Variants in NCR1 observed in about 807,000 individuals in gnomAD.
NCR1 encodes the protein natural cytotoxicity triggering receptor 1, also known as NK cell-activating receptor.
A neutral mutation model predicts 32.5 loss-of-function variants in NCR1; 30 were observed. The observed-to-expected ratio is 0.92, with a 90% CI of 0.69 to 1.25. The LOEUF (loss-of-function observed/expected upper bound fraction) is 1.25. Among genes scored for constraint, NCR1 ranks in the 50% most tolerant of loss-of-function variants. The probability of loss-of-function intolerance (pLI) is 0.00; values close to 1 mark genes in which losing one functional copy is unlikely to be tolerated. For missense variants in NCR1, 369 were observed against 380.7 expected, an observed-to-expected ratio of 0.97 and a Z score of 0.26; for synonymous variants, 169 against 143.4, an observed-to-expected ratio of 1.18 and a Z score of -1.28.
At chr19:54,929,720 C>G in the NCR1 span, among the ~76,000 whole-genome samples, 1 of 152,136 alleles carries the variant, frequency 6.6e-6, no homozygotes, top group East Asian at 1.9e-4. Flanking sequence ...CTTCTCCAGG[C>G]CCTCTACCTG....
chr19:54,910,592 C>T (rs2067921310), intron 5 of NCR1, among the ~76,000 whole-genome samples: 1 of 151,926 alleles, frequency 6.6e-6, no homozygotes, highest in Non-Finnish European at 1.5e-5. Context: ...AAAAACAAAA[C>T]TATTATATAT....
At chr19:54,933,669 G>A in the NCR1 span, 73 of 1,614,158 alleles carry the variant, frequency 4.5e-5, no homozygotes, top group Middle Eastern at 9.9e-4. Flanking sequence ...AGGTGTGTCA[G>A]CTTCTTGCTG....
the NCR1 span, among the ~76,000 whole-genome samples, chr19:54,930,132 A>G: frequency 1.3e-5 from 2 of 151,038 alleles, no homozygotes; most frequent in Non-Finnish European, 2.9e-5. Flanking sequence ...AAAAAAAAAA[A>G]AAGAAAACAT....
At chr19:54,905,535 C>A (rs1034080867), upstream of NCR1, among the ~76,000 whole-genome samples, 1 of 152,144 alleles carries the variant, frequency 6.6e-6, no homozygotes, top group African/African-American at 2.4e-5. Flanking sequence ...ACATGCATCA[C>A]ATTATTCCTT....
chr19:54,921,603 C>G, the NCR1 span, among the ~76,000 whole-genome samples: 1 of 152,006 alleles, frequency 6.6e-6, no homozygotes, highest in Non-Finnish European at 1.5e-5. Flanking sequence ...GAAACCTCGT[C>G]TTTACTAAAA....
chr19:54,934,586 T>C, the NCR1 span: 1 of 1,614,108 alleles, frequency 6.2e-7, no homozygotes, highest in Non-Finnish European at 8.5e-7. The surrounding 1 kb of genome is among the most constrained non-coding windows in gnomAD (Gnocchi z 6.7). Flanking sequence ...CGCAGGTGCT[T>C]CAGGGACTGG....
chr19:54,905,349 TTTATTA>T (rs202165378), upstream of NCR1, among the ~76,000 whole-genome samples: 1 of 151,438 alleles, frequency 6.6e-6, no homozygotes, highest in Admixed American at 6.6e-5. Context: ...TTGAGGAGGA[TTTATTA>T]TTATTATTAT....
chr19:54,900,632 C>T, the NCR1 span, among the ~76,000 whole-genome samples: 2 of 152,078 alleles, frequency 1.3e-5, no homozygotes, highest in African/African-American at 4.8e-5. Flanking sequence ...CCGCACACCT[C>T]GGCCTCCCAA....
intron 3 of NCR1, among the ~76,000 whole-genome samples, chr19:54,907,808 A>G (rs587641972): frequency 6.6e-6 from 1 of 152,182 alleles, no homozygotes; most frequent in East Asian, 1.9e-4. Context: ...TCTTTTGCCT[A>G]TTTTTAAATT....
the NCR1 span, among the ~76,000 whole-genome samples, chr19:54,932,426 C>CAA: frequency 1.6e-3 from 224 of 141,144 alleles, 4 homozygotes; most frequent in Middle Eastern, 3.7e-3. Flanking sequence ...AGACTTCATC[C>CAA]AAAAAAAAAA....
chr19:54,936,978 C>T, the NCR1 span, among the ~76,000 whole-genome samples: 5 of 150,612 alleles, frequency 3.3e-5, no homozygotes, highest in South Asian at 2.1e-4. Flanking sequence ...TTTGGGAGGC[C>T]GAGGCCGAGG....
At chr19:54,899,377 T>C in the NCR1 span, among the ~76,000 whole-genome samples, 1 of 150,644 alleles carries the variant, frequency 6.6e-6, no homozygotes, top group Non-Finnish European at 1.5e-5. Flanking sequence ...GAATGGAGGG[T>C]GGAAGGTTGC....
At chr19:54,914,528 G>A (rs1042818640), downstream of NCR1, among the ~76,000 whole-genome samples, 2 of 151,854 alleles carry the variant, frequency 1.3e-5, no homozygotes, top group Admixed American at 1.3e-4. Flanking sequence ...TAGTAGAAAT[G>A]GGGTTTCACA....
upstream of NCR1, among the ~76,000 whole-genome samples, chr19:54,905,987 T>C (rs1332159148): frequency 1.3e-5 from 2 of 152,148 alleles, no homozygotes; most frequent in African/African-American, 2.4e-5. Context: ...AGACCACAGA[T>C]GTGTCAGAGG....
chr19:54,929,885 C>T, the NCR1 span, among the ~76,000 whole-genome samples: 2 of 151,838 alleles, frequency 1.3e-5, no homozygotes, highest in Non-Finnish European at 2.9e-5. Context: ...AAGGCCAAGG[C>T]GGGCAGATCA....
chr19:54,906,490 C>T (rs1276680982), intron 2 of NCR1, 33 bp from the exon 3 acceptor site: 1 of 1,600,086 alleles, frequency 6.2e-7, no homozygotes, highest in Non-Finnish European at 8.5e-7. Flanking sequence ...GGAGGGGGCT[C>T]CGCTGGAACT....
the NCR1 span, chr19:54,938,169 G>C: frequency 6.2e-7 from 1 of 1,614,050 alleles, no homozygotes; most frequent in South Asian, 1.1e-5. Flanking sequence ...TGAAGAGAGA[G>C]CAGAAATCTG....
the NCR1 span, among the ~76,000 whole-genome samples, chr19:54,900,605 TCACCTGACCTGGTGATCCGCA>T: frequency 1.1e-4 from 16 of 152,116 alleles, no homozygotes. Context: ...ACAGTCTGGA[TCACCTGACCTGGTGATCCGCA>T]CACCTCGGCC....
the NCR1 span, among the ~76,000 whole-genome samples, chr19:54,922,151 C>T: frequency 6.6e-6 from 1 of 152,150 alleles, no homozygotes; most frequent in East Asian, 2.0e-4. Context: ...CCTCGGCCTC[C>T]CAAAGTGCTG....
Sources: allele counts gnomAD v4.1 joint callset (sites outside exome capture counted in the v4.1 genomes callset), GRCh38; gene constraint gnomAD v4.1.1; non-coding constraint Gnocchi (gnomAD v3.1); transcripts MANE v1.5; gene names NCBI Gene and HGNC (gene_info 2026-07-23, HGNC 2026-07-21).